The following DKK2 variants were observed in gnomAD, a reference collection of about 807,000 sequenced individuals.
The protein encoded by DKK2 is dickkopf-related protein 2.
DKK2 carries 11 observed loss-of-function variants against 28.1 expected under a neutral mutation model. That is an observed-to-expected ratio of 0.39 (90% CI 0.25 to 0.65). The LOEUF (loss-of-function observed/expected upper bound fraction) is 0.65, where lower values mean the gene tolerates loss of function less well. DKK2 is among the 30% of genes least tolerant of loss of function. The pLI, the probability that DKK2 is intolerant of heterozygous loss-of-function variation, is 0.47. For missense variants in DKK2, 326 were observed against 335.5 expected (o/e 0.97, Z 0.22); for synonymous variants, 135 against 126.5 (o/e 1.07, Z -0.45).
intron 1 of DKK2, among the ~76,000 whole-genome samples, chr4:106,997,181 A>G (rs907752248): frequency 6.6e-6 from 1 of 152,184 alleles, no homozygotes; most frequent in Admixed American, 6.5e-5. Flanking sequence ...CAGTTATAAT[A>G]CAGAGAATAA....
chr4:107,020,954 A>T (rs1188780610), intron 1 of DKK2, among the ~76,000 whole-genome samples: 3 of 152,034 alleles, frequency 2.0e-5, no homozygotes, highest in African/African-American at 7.2e-5. Context: ...CTGGAACACC[A>T]TGATTCTTTT....
chr4:107,024,477 A>G (rs1723743361), intron 1 of DKK2, among the ~76,000 whole-genome samples: 1 of 152,176 alleles, frequency 6.6e-6, no homozygotes, highest in African/African-American at 2.4e-5. Context: ...AAACAAAAAA[A>G]CTTCTATTTT....
chr4:106,925,361 C>T (rs145423614), intron 2 of DKK2, among the ~76,000 whole-genome samples: 9 of 152,288 alleles, frequency 5.9e-5, no homozygotes, highest in African/African-American at 2.2e-4. Flanking sequence ...GAATAAAATG[C>T]TGCATCTCCC....
intron 1 of DKK2, among the ~76,000 whole-genome samples, chr4:106,940,875 G>A (rs1238904864): frequency 2.6e-5 from 4 of 151,916 alleles, no homozygotes; most frequent in Non-Finnish European, 4.4e-5. Flanking sequence ...ACCAAACACC[G>A]CATATTCTCA....
chr4:106,944,066 G>T lies in DKK2; in HGVS notation c.223-18117C>A, dbSNP rs565662625. ...ATGAGGTGTTATTGCAAAGGATCAA[G>T]AATATATTTCATGACAGCTTCCTTT... On this transcript the variant is annotated intron_variant, in intron 1 of 3. Transcript: ENST00000285311. Among the ~76,000 whole-genome samples, 13 of 152,174 alleles carry T rather than the reference G, an allele frequency of 8.5e-5. No individual in the cohort carries two copies. The South Asian group carries it at 2.7e-3, about 32-fold the overall frequency.
chr4:106,978,535 C>T (rs1305135086), intron 1 of DKK2, among the ~76,000 whole-genome samples: 3 of 152,092 alleles, frequency 2.0e-5, no homozygotes, highest in African/African-American at 7.2e-5. Context: ...GCTTTGTTTG[C>T]ACTGGAAGGG....
intron 1 of DKK2, among the ~76,000 whole-genome samples, chr4:106,947,091 T>G (rs1187402705): frequency 6.6e-6 from 1 of 152,126 alleles, no homozygotes; most frequent in Non-Finnish European, 1.5e-5. Flanking sequence ...GACAAAGTGT[T>G]TACTTTCAAT....
chr4:107,035,930 T>C lies in DKK2; in HGVS notation c.-339A>G, dbSNP rs1723958960. 12 of 329,892 alleles carry C rather than the reference T, an allele frequency of 3.6e-5. No individual in the cohort carries two copies. The South Asian group carries it at 4.5e-4, about 12-fold the overall frequency. The allele number at this position is 329,892 out of a possible 1,614,324, so 20.4% of individuals were successfully genotyped here. Reference sequence around the variant, plus strand: ...TGGATCGCACCGCTTCCGTTCCTTCTTGCCCCGCACCTCCTTGGTCCCGCC... The same window carrying C: ...TGGATCGCACCGCTTCCGTTCCTTCCTGCCCCGCACCTCCTTGGTCCCGCC... On this transcript the variant is annotated 5_prime_UTR_variant, in exon 1 of 4. Coordinates refer to ENST00000285311, the MANE Select transcript of DKK2 (RefSeq NM_014421.3).
chr4:106,997,871 C>A (rs978122753), intron 1 of DKK2, among the ~76,000 whole-genome samples: 33 of 152,164 alleles, frequency 2.2e-4, no homozygotes, highest in African/African-American at 6.8e-4. Context: ...CACCAAATTA[C>A]AACTGACTAA....
chr4:107,030,420 T>C (rs867670767), intron 1 of DKK2, among the ~76,000 whole-genome samples: 4 of 152,060 alleles, frequency 2.6e-5, no homozygotes, highest in Admixed American at 2.6e-4. Flanking sequence ...AATATGTCTA[T>C]CAATTATGAT....
intron 1 of DKK2, among the ~76,000 whole-genome samples, chr4:106,985,815 CAAAAAAA>C (rs112120001): frequency 2.5e-5 from 2 of 79,504 alleles, no homozygotes; most frequent in African/African-American, 5.0e-5. Context: ...GACTCCGTCT[CAAAAAAA>C]AAAAAAAGAA....
intron 1 of DKK2, among the ~76,000 whole-genome samples, chr4:106,932,759 A>G (rs1321888746): frequency 2.6e-5 from 4 of 152,294 alleles, no homozygotes; most frequent in African/African-American, 9.6e-5. Context: ...AGAGGAAGAA[A>G]CTGCACAATC....
intron 1 of DKK2, among the ~76,000 whole-genome samples, chr4:107,033,345 T>A (rs552801646): frequency 3.9e-5 from 6 of 152,314 alleles, no homozygotes; most frequent in African/African-American, 1.4e-4. Flanking sequence ...AATTCTCAAT[T>A]TAAGGCGATG....
chr4:107,011,259 C>A (rs1187614928), intron 1 of DKK2, among the ~76,000 whole-genome samples: 2 of 151,484 alleles, frequency 1.3e-5, no homozygotes, highest in Non-Finnish European at 3.0e-5. Context: ...CTCTTTGGGT[C>A]TACTTTACAC....
At chr4:106,981,044 G>T (rs531275538) in intron 1 of DKK2, among the ~76,000 whole-genome samples, 2 of 151,994 alleles carry the variant, frequency 1.3e-5, no homozygotes, top group African/African-American at 4.8e-5. Flanking sequence ...AAAAGTAACT[G>T]GAATTTGCTG....
At chr4:107,025,864 G>C (rs183671712) in intron 1 of DKK2, among the ~76,000 whole-genome samples, 1 of 152,128 alleles carries the variant, frequency 6.6e-6, no homozygotes, top group South Asian at 2.1e-4. Flanking sequence ...TCTCCCACCA[G>C]GTAGTTAATA....
chr4:107,014,328 C>T (rs1232395819), intron 1 of DKK2, among the ~76,000 whole-genome samples: 1 of 151,428 alleles, frequency 6.6e-6, no homozygotes, highest in Non-Finnish European at 1.5e-5. Flanking sequence ...GAAATCCTGT[C>T]ATTTGCAGCA....
chr4:106,993,865 T>C (rs1371565863), intron 1 of DKK2, among the ~76,000 whole-genome samples: 5 of 152,188 alleles, frequency 3.3e-5, no homozygotes. Flanking sequence ...ATTGCTAATG[T>C]TATCTATCCT....
At chr4:106,930,501 A>G (rs1404282269) in intron 1 of DKK2, among the ~76,000 whole-genome samples, 1 of 152,198 alleles carries the variant, frequency 6.6e-6, no homozygotes, top group Non-Finnish European at 1.5e-5. Context: ...CTTTGACTAC[A>G]ATTAAAACCT....
Sources: allele counts gnomAD v4.1 joint callset (sites outside exome capture counted in the v4.1 genomes callset), GRCh38; gene constraint gnomAD v4.1.1; transcripts MANE v1.5; gene names NCBI Gene and HGNC (gene_info 2026-07-23, HGNC 2026-07-21).